Variants in RASGEF1C observed in about 807,000 individuals in gnomAD.
RASGEF1C encodes the protein RasGEF domain family member 1C, also known as ras-GEF domain-containing family member 1C.
RASGEF1C carries 27 observed loss-of-function variants against 58.1 expected under a neutral mutation model. The ratio of observed to expected loss-of-function variants is 0.46; its 90% CI spans 0.34 to 0.64. RASGEF1C has a LOEUF of 0.64. RASGEF1C is among the 30% of genes least tolerant of loss of function. The pLI, the probability that RASGEF1C is intolerant of heterozygous loss-of-function variation, is 0.01. For synonymous variants in RASGEF1C, 243 were observed against 246.3 expected, an observed-to-expected ratio of 0.99 and a Z score of 0.13; for missense variants, 502 against 605.1, an observed-to-expected ratio of 0.83 and a Z score of 1.79.
intron 6 of RASGEF1C, among the ~76,000 whole-genome samples, chr5:180,125,996 T>G (rs1370563298): frequency 6.6e-6 from 1 of 152,166 alleles, no homozygotes; most frequent in Non-Finnish European, 1.5e-5. Flanking sequence ...AGCAAAAAGC[T>G]GGACACACAA....
intron 1 of RASGEF1C, among the ~76,000 whole-genome samples, chr5:180,202,492 G>T (rs1433745020): frequency 6.6e-6 from 1 of 152,086 alleles, no homozygotes; most frequent in Non-Finnish European, 1.5e-5. Flanking sequence ...TGGAGCTCCA[G>T]AAAAACAATC....
At chr5:180,118,504 T>G (rs953871977) in intron 10 of RASGEF1C, 105 bp downstream of exon 10, 3 of 1,071,240 alleles carry the variant, frequency 2.8e-6, no homozygotes, top group Non-Finnish European at 4.1e-6. Context: ...GACCTGGCTG[T>G]CTATTACTGA....
chr5:180,193,318 G>GT (rs1280526372), intron 1 of RASGEF1C, among the ~76,000 whole-genome samples: 1 of 151,868 alleles, frequency 6.6e-6, no homozygotes, highest in Non-Finnish European at 1.5e-5. Flanking sequence ...GCCTCCCAAA[G>GT]TGCTGGGATT....
chr5:180,111,512 C>G lies in RASGEF1C; in HGVS notation c.1248G>C (p.Glu416Asp). The G allele has an allele frequency of 6.2e-7, 1 of 1,614,188 alleles. No homozygotes were observed. The highest frequency in any genetic ancestry group is 1.3e-5 in the African/African-American group (1 of 75,046). ...ITWKQVECPF[E>D]QDASITHYLY... Reference sequence around the variant, plus strand: ...GGTAGTGGGTGATGCTGGCGTCTTGCTCGAAGGGACACTCCACTTGTTTCC... The same window carrying G: ...GGTAGTGGGTGATGCTGGCGTCTTGGTCGAAGGGACACTCCACTTGTTTCC... The change falls in exon 12 of 14, where the codon GAG (glutamate) becomes GAC (aspartate). Residue 416 changes from glutamate (E) to aspartate (D), a missense_variant. Glu to Asp is a conservative substitution (Grantham distance 45). Transcript: ENST00000361132.
rs1343701476 is a variant in RASGEF1C, at chr5:180,156,023, C to T, written c.-6-17965G>A. Among the ~76,000 whole-genome samples the T allele has an allele frequency of 6.6e-6, 1 of 152,198 alleles. No homozygotes were observed. Among genetic ancestry groups the T allele is most frequent in the East Asian group, 1.9e-4 (1 of 5,186 alleles). ...TTATTACAGCATGAACATCTGTTCCCAGGACCCAGGCTAATAAAAAGAGCG... is the reference window on the plus strand; with the variant it reads ...TTATTACAGCATGAACATCTGTTCCTAGGACCCAGGCTAATAAAAAGAGCG... On this transcript the variant is annotated intron_variant, in intron 1 of 13. Coordinates refer to ENST00000361132, the MANE Select transcript of RASGEF1C (RefSeq NM_175062.4). The surrounding 1 kb of genome is among the most constrained non-coding windows in gnomAD (Gnocchi z 4.9).
chr5:180,193,321 C>T (rs1756203523), intron 1 of RASGEF1C, among the ~76,000 whole-genome samples: 1 of 151,982 alleles, frequency 6.6e-6, no homozygotes, highest in Non-Finnish European at 1.5e-5. Flanking sequence ...TCCCAAAGTG[C>T]TGGGATTACA....
intron 12 of RASGEF1C, among the ~76,000 whole-genome samples, chr5:180,106,619 G>A (rs1012141274): frequency 6.6e-6 from 1 of 152,096 alleles, no homozygotes; most frequent in Non-Finnish European, 1.5e-5. Context: ...TCCCACTGTG[G>A]TTGAAGAACA....
In RASGEF1C at chr5:180,173,778, T is replaced by C. The variant is rs538912097; in HGVS notation, c.-7+35250A>G. ...AAATACAGAAATTAGCTGGGCGTGG[T>C]GGTGGGCGCCTGTAATCCCAGCTGC... On this transcript the variant is annotated intron_variant, in intron 1 of 13. Coordinates refer to ENST00000361132, the MANE Select transcript of RASGEF1C (RefSeq NM_175062.4). 3.9e-3 allele frequency among the ~76,000 whole-genome samples: 597 copies of C among 151,974 alleles called. 6 individuals carry two copies. The highest frequency in any genetic ancestry group is 0.014 in the African/African-American group (567 of 41,450).
intron 1 of RASGEF1C, among the ~76,000 whole-genome samples, chr5:180,150,467 T>C (rs4700881): frequency 0.38 from 57,098 of 151,890 alleles, 13,126 homozygotes; most frequent in South Asian, 0.49. Context: ...TGTAGAAAAC[T>C]GGACATTTGA....
intron 1 of RASGEF1C, among the ~76,000 whole-genome samples, chr5:180,160,803 C>T (rs982557822): frequency 1.3e-4 from 20 of 152,176 alleles, no homozygotes; most frequent in South Asian, 2.1e-4. Context: ...CCAGGCAGAC[C>T]CCTGGTATAT....
intron 1 of RASGEF1C, among the ~76,000 whole-genome samples, chr5:180,154,920 G>T (rs540316205): frequency 6.6e-6 from 1 of 152,300 alleles, no homozygotes; most frequent in Non-Finnish European, 1.5e-5. Context: ...TCCTGGCCCT[G>T]GACCTTTGAG....
chr5:180,140,525 C>T (rs1766558338), intron 1 of RASGEF1C, among the ~76,000 whole-genome samples: 1 of 152,202 alleles, frequency 6.6e-6, no homozygotes, highest in Non-Finnish European at 1.5e-5. Flanking sequence ...TCTGTGCTCA[C>T]TGCGGTGGAT....
At chr5:180,192,326 G>A (rs1421474598) in intron 1 of RASGEF1C, among the ~76,000 whole-genome samples, 4 of 152,070 alleles carry the variant, frequency 2.6e-5, no homozygotes, top group Non-Finnish European at 5.9e-5. Flanking sequence ...GCACGGATAC[G>A]TTCTAAACTA....
chr5:180,199,059 C>G (rs1756332856), intron 1 of RASGEF1C, among the ~76,000 whole-genome samples: 1 of 152,156 alleles, frequency 6.6e-6, no homozygotes, highest in Non-Finnish European at 1.5e-5. Context: ...CCAAAAGGAC[C>G]ACACCTCTCC....
intron 1 of RASGEF1C, among the ~76,000 whole-genome samples, 199 bp downstream of exon 1, chr5:180,208,829 C>T (rs1420785939): frequency 6.6e-6 from 1 of 151,682 alleles, no homozygotes; most frequent in African/African-American, 2.4e-5. Context: ...CCTCAGGGTA[C>T]CCTACCCGCT....
chr5:180,120,547 GGA>G (rs1766150115), intron 7 of RASGEF1C, among the ~76,000 whole-genome samples: 1 of 152,240 alleles, frequency 6.6e-6, no homozygotes, highest in Non-Finnish European at 1.5e-5. Context: ...GCTGCAAGGA[GGA>G]GGACGGGTGG....
intron 1 of RASGEF1C, among the ~76,000 whole-genome samples, chr5:180,145,066 T>C (rs1480906174): frequency 6.6e-6 from 1 of 152,112 alleles, no homozygotes; most frequent in African/African-American, 2.4e-5. Context: ...GCAGTGGGGG[T>C]TGTTTCCCCC....
intron 11 of RASGEF1C, among the ~76,000 whole-genome samples, chr5:180,112,332 C>T (rs1285848667): frequency 2.0e-5 from 3 of 152,226 alleles, no homozygotes; most frequent in Non-Finnish European, 4.4e-5. Flanking sequence ...TAGCATGTGA[C>T]GGTCTGCTGG....
Position 180,168,023 on chromosome 5 carries a change from T to C in RASGEF1C, c.-6-29965A>G, listed in dbSNP as rs1366619812. 6.6e-6 allele frequency among the ~76,000 whole-genome samples: 1 copy of C among 152,232 alleles called. No individual in the cohort carries two copies. Among genetic ancestry groups the C allele is most frequent in the Non-Finnish European group, 1.5e-5 (1 of 68,042 alleles). ...CTGAGACCTGGGCCGTGTTTTATTT[T>C]GTACTATAGTTGTCAAAGCCTATGA... On this transcript the variant is annotated intron_variant, in intron 1 of 13. Coordinates refer to ENST00000361132, the MANE Select transcript of RASGEF1C (RefSeq NM_175062.4). This position sits in a 1 kb window ranked among gnomAD's most constrained non-coding sequence, Gnocchi z 6.0.
Sources: gnomAD v4.1 joint callset for allele counts (sites outside exome capture counted in the v4.1 genomes callset) on GRCh38, gnomAD v4.1.1 for gene constraint, Gnocchi (gnomAD v3.1) non-coding constraint, MANE v1.5 for transcripts, NCBI Gene and HGNC (gene_info 2026-07-23, HGNC 2026-07-21) for gene names.